IL1RAPL2: variants seen among roughly 807,000 people sequenced by gnomAD.
IL1RAPL2 encodes X-linked interleukin-1 receptor accessory protein-like 2.
A neutral mutation model predicts 44.1 loss-of-function variants in IL1RAPL2; 3 were observed. That is an observed-to-expected ratio of 0.07 (90% CI 0.03 to 0.18). The LOEUF (loss-of-function observed/expected upper bound fraction) is 0.18, where lower values mean the gene tolerates loss of function less well. Ranked by LOEUF, IL1RAPL2 falls within the 10% of genes least tolerant of loss-of-function variation. The pLI is 1.00. For synonymous variants in IL1RAPL2, 181 were observed against 178.8 expected, an observed-to-expected ratio of 1.01 and a Z score of -0.10; for missense variants, 391 against 496.4, an observed-to-expected ratio of 0.79 and a Z score of 2.02.
In IL1RAPL2 at chrX:105,121,498, A is replaced by C. The variant is rs919403130; in HGVS notation, c.83-73977A>C. Among the ~76,000 whole-genome samples, 4 of 111,756 alleles carry C rather than the reference A, an allele frequency of 3.6e-5. No individual in the cohort carries two copies. The Admixed American group carries it at 3.8e-4, about 11-fold the overall frequency. ...TTTAACAGGGCTGTTGGTTATGCAC[A>C]TTTTGTCTTCATTTATACTGGGCTA... On this transcript the variant is annotated intron_variant, in intron 2 of 10. Transcript: ENST00000372582.
At chrX:105,383,655 G>A (rs777763658) in intron 5 of IL1RAPL2, among the ~76,000 whole-genome samples, 3 of 112,056 alleles carry the variant, frequency 2.7e-5, no homozygotes, top group Non-Finnish European at 5.6e-5. Flanking sequence ...TCATATGGTA[G>A]CTCTATTTTT....
chrX:104,730,179 ACT>A (rs1330775705), intron 2 of IL1RAPL2, among the ~76,000 whole-genome samples: 31 of 111,267 alleles, frequency 2.8e-4, no homozygotes, highest in African/African-American at 9.4e-4. Context: ...AAATATTCAC[ACT>A]CATATTTGAA....
At chrX:105,540,839 T>TAATACATACATATATATGATATAA (rs2036720170) in intron 6 of IL1RAPL2, among the ~76,000 whole-genome samples, 1 of 43,661 alleles carries the variant, frequency 2.3e-5, no homozygotes, top group Non-Finnish European at 5.7e-5. Context: ...ATATGATATA[T>TAATACATACATATATATGATATAA]AATACATACA....
In IL1RAPL2 at chrX:104,855,681, G is replaced by GTGTTTTTTTTTTTTTTTTTTTTTTTT; in HGVS notation, c.82+196687_82+196688insGTTTTTTTTTTTTTTTTTTTTTTTTT. ...TTAACTGTGCTAAGGATCTGGATCC[G>GTGTTTTTTTTTTTTTTTTTTTTTTTT]TTTTTTTTTTTTTTTTTACTGTATC... On this transcript the variant is annotated intron_variant, in intron 2 of 10. Coordinates refer to ENST00000372582, the MANE Select transcript of IL1RAPL2 (RefSeq NM_017416.2). Among the ~76,000 whole-genome samples the GTGTTTTTTTTTTTTTTTTTTTTTTTT allele has an allele frequency of 2.6e-4, 14 of 53,861 alleles. 3 individuals carry two copies. The highest frequency in any genetic ancestry group is 7.6e-4 in the South Asian group (1 of 1,316). The allele number at this position is 53,861 out of a possible 115,157, so 46.8% of individuals were successfully genotyped here. A position where few individuals can be genotyped will look rare whatever the true frequency, so the allele number is the denominator to read the frequency against.
intron 6 of IL1RAPL2, among the ~76,000 whole-genome samples, chrX:105,565,005 G>A (rs1321457575): frequency 8.9e-6 from 1 of 112,400 alleles, no homozygotes; most frequent in Non-Finnish European, 1.9e-5. Flanking sequence ...GACCCAGGGT[G>A]GGAGGCTAGC....
intron 3 of IL1RAPL2, among the ~76,000 whole-genome samples, chrX:105,196,571 A>G (rs2033674021): frequency 8.9e-6 from 1 of 111,832 alleles, no homozygotes; most frequent in Non-Finnish European, 1.9e-5. Flanking sequence ...CTAAATAATC[A>G]ACATCGAGCT....
chrX:105,690,790 C>T (rs1171868958), intron 6 of IL1RAPL2, among the ~76,000 whole-genome samples: 1 of 111,689 alleles, frequency 9.0e-6, no homozygotes, highest in East Asian at 2.8e-4. Context: ...TTATTAATAT[C>T]ACCCAAACAT....
chrX:105,316,561 T>G (rs2034843333), intron 5 of IL1RAPL2, among the ~76,000 whole-genome samples: 1 of 111,818 alleles, frequency 8.9e-6, no homozygotes, highest in Non-Finnish European at 1.9e-5. Flanking sequence ...GAAAAAAAAT[T>G]GGATACCATC....
At chrX:105,005,331 C>T (rs73516210) in intron 2 of IL1RAPL2, among the ~76,000 whole-genome samples, 6,897 of 110,765 alleles carry the variant, frequency 0.062, 568 homozygotes, top group African/African-American at 0.21. Context: ...CAGTAACAAC[C>T]CAGACCACTT....
At chrX:105,143,444 A>G (rs1409910631) in intron 2 of IL1RAPL2, among the ~76,000 whole-genome samples, 1 of 111,905 alleles carries the variant, frequency 8.9e-6, no homozygotes, top group Non-Finnish European at 1.9e-5. Context: ...GTCAGGAAAC[A>G]ACAGGTGCTG....
At chrX:105,440,828 G>T (rs1039754338) in intron 5 of IL1RAPL2, among the ~76,000 whole-genome samples, 17 of 111,351 alleles carry the variant, frequency 1.5e-4, no homozygotes, top group African/African-American at 5.2e-4. Flanking sequence ...TGAATCATGG[G>T]GGGTGGTTTC....
Position 105,318,921 on chromosome X carries a change from A to G in IL1RAPL2, c.697+51380A>G, listed in dbSNP as rs922620261. On this transcript the variant is annotated intron_variant, in intron 5 of 10. Coordinates refer to ENST00000372582, the MANE Select transcript of IL1RAPL2 (RefSeq NM_017416.2). Reference sequence around the variant, plus strand: ...ATAGCTATCGCCTTCAATGCAATACAAAACTCCATGGCTGCTGGGATTTTC... The same window carrying G: ...ATAGCTATCGCCTTCAATGCAATACGAAACTCCATGGCTGCTGGGATTTTC... Among the ~76,000 whole-genome samples the G allele has an allele frequency of 3.6e-5, 4 of 112,386 alleles. 1 individual carries two copies. The highest frequency in any genetic ancestry group is 1.3e-4 in the African/African-American group (4 of 30,917).
At chrX:104,815,512 A>G (rs990339910) in intron 2 of IL1RAPL2, among the ~76,000 whole-genome samples, 1 of 111,883 alleles carries the variant, frequency 8.9e-6, no homozygotes, top group Admixed American at 9.5e-5. Context: ...GTGAAAGCCA[A>G]TGACCTTCTG....
rs1192990851 is a variant in IL1RAPL2, at chrX:104,751,345, G to GAA, written c.82+92355_82+92356dup. Among the ~76,000 whole-genome samples the GAA allele has an allele frequency of 3.6e-5, 4 of 111,460 alleles. No homozygotes were observed. In the East Asian group the frequency reaches 1.1e-3, roughly 31 times the overall value. On this transcript the variant is annotated intron_variant, in intron 2 of 10. Transcript: ENST00000372582. ...CTCAGGGAGTTTAAAATCTAGTTCAGAAAAAACAAATATTAAATACTGTAA... is the reference window on the plus strand; with the variant it reads ...CTCAGGGAGTTTAAAATCTAGTTCAGAAAAAAAACAAATATTAAATACTGTAA...
At chrX:105,527,667 AT>A (rs769760356) in intron 6 of IL1RAPL2, among the ~76,000 whole-genome samples, 1 of 110,970 alleles carries the variant, frequency 9.0e-6, no homozygotes, top group African/African-American at 3.3e-5. Context: ...CCTTTGAATC[AT>A]TTTTTTACCA....
chrX:105,400,468 CTG>C (rs1319457461), intron 5 of IL1RAPL2, among the ~76,000 whole-genome samples: 1 of 111,114 alleles, frequency 9.0e-6, no homozygotes, highest in East Asian at 2.8e-4. Flanking sequence ...ACTCAAGAGA[CTG>C]TGTAATATTT....
In IL1RAPL2 at chrX:105,509,171, C is replaced by T. The variant is rs765931853; in HGVS notation, c.772+24784C>T. On this transcript the variant is annotated intron_variant, in intron 6 of 10. Transcript: ENST00000372582. ...CACAAACAAATATATAAAATGTTCA[C>T]GGACTCTAATAAAGTTCTATGAAGA... is the stretch of plus-strand genomic sequence containing the variant. 5.4e-5 allele frequency among the ~76,000 whole-genome samples: 6 copies of T among 111,670 alleles called. No homozygotes were observed. The South Asian group carries it at 1.1e-3, about 21-fold the overall frequency.
intron 5 of IL1RAPL2, among the ~76,000 whole-genome samples, chrX:105,465,230 A>G (rs767908146): frequency 2.1e-4 from 23 of 112,055 alleles, no homozygotes; most frequent in Non-Finnish European, 4.1e-4. Flanking sequence ...CCTCTCATCT[A>G]GAAAGAAGAC....
chrX:105,143,108 C>T (rs1340220110), intron 2 of IL1RAPL2, among the ~76,000 whole-genome samples: 2 of 111,388 alleles, frequency 1.8e-5, no homozygotes, highest in African/African-American at 3.3e-5. Flanking sequence ...TCTAATTAAA[C>T]TAAAGAGCTT....
Sources: allele counts gnomAD v4.1 joint callset (sites outside exome capture counted in the v4.1 genomes callset), GRCh38; gene constraint gnomAD v4.1.1; transcripts MANE v1.5; gene names NCBI Gene and HGNC (gene_info 2026-07-23, HGNC 2026-07-21).